Variants in ZNF444 observed in about 807,000 individuals in gnomAD.
The protein encoded by ZNF444 is zinc finger protein 444.
In ZNF444, 8 loss-of-function variants were observed where a neutral mutation model predicts 14.4. That is an observed-to-expected ratio of 0.56 (90% CI 0.33 to 1.00). ZNF444 has a LOEUF of 1.00. ZNF444 is among the 50% of genes least tolerant of loss of function. ZNF444 has a pLI of 0.03. For missense variants in ZNF444, 510 were observed against 504.8 expected (o/e 1.01, Z -0.10); for synonymous variants, 258 against 235.9 (o/e 1.09, Z -0.86).
upstream of ZNF444, among the ~76,000 whole-genome samples, chr19:56,140,304 T>C (rs74827695): frequency 0.018 from 2,270 of 123,724 alleles, 69 homozygotes; most frequent in African/African-American, 0.066. Flanking sequence ...GTATGAGCCA[T>C]AATCAGGTCT....
Position 56,160,870 on chromosome 19 carries a change from A to G in ZNF444, c.*669A>G, listed in dbSNP as rs1448341709. 1 of 152,776 alleles carries G rather than the reference A, an allele frequency of 6.5e-6. No homozygotes were observed. The highest frequency in any genetic ancestry group is 2.4e-5 in the African/African-American group (1 of 41,436). The allele number at this position is 152,776 out of a possible 1,614,324, so 9.5% of individuals were successfully genotyped here. A position where few individuals can be genotyped will look rare whatever the true frequency, so the allele number is the denominator to read the frequency against. On this transcript the variant is annotated 3_prime_UTR_variant, in exon 5 of 5. Coordinates refer to ENST00000337080, the MANE Select transcript of ZNF444 (RefSeq NM_018337.4). ...AGTTCACCAGCATCCATAGAGTAAT[A>G]AAGTCACTGTGTGTAGACCCGGAGT...
rs1480448638 is a variant in ZNF444 at position 56,144,713 on chromosome 19, T to C, written c.-196-1534T>C. Among the ~76,000 whole-genome samples the C allele has an allele frequency of 6.6e-6, 1 of 151,648 alleles. No homozygotes were observed. The highest frequency in any genetic ancestry group is 2.4e-5 in the African/African-American group (1 of 40,954). On this transcript the variant is annotated intron_variant, in intron 1 of 4. Coordinates refer to ENST00000337080, the MANE Select transcript of ZNF444 (RefSeq NM_018337.4). This position sits in a 1 kb window ranked among gnomAD's most constrained non-coding sequence, Gnocchi z 4.0. ...AGAAGCAGATTATGTGCCCACCCTC[T>C]GCCTTGTGGTCAAGGGGACTTTGCT...
rs754653971 is a variant in ZNF444 at position 56,147,001 on chromosome 19, C to G, written c.90C>G (p.Asp30Glu). ...WHRFRRFHLG[D>E]APGPREALGL... ...GCTTCCGCCGCTTCCACCTGGGCGA[C>G]GCGCCGGGCCCGCGGGAGGCGCTGG... The change falls in exon 3 of 5, where the codon GAC (aspartate) becomes GAG (glutamate). Residue 30 changes from aspartate (D) to glutamate (E), a missense_variant. Coordinates refer to ENST00000337080, the MANE Select transcript of ZNF444 (RefSeq NM_018337.4). The surrounding 1 kb of genome is among the most constrained non-coding windows in gnomAD (Gnocchi z 5.9). 1.4e-6 allele frequency: 2 copies of G among 1,445,236 alleles called. No individual in the cohort carries two copies. Among genetic ancestry groups the G allele is most frequent in the African/African-American group, 3.0e-5 (2 of 67,100 alleles). 89.5% of individuals were successfully genotyped at this position (1,445,236 alleles called of 1,614,324 possible). A position where few individuals can be genotyped will look rare whatever the true frequency, so the allele number is the denominator to read the frequency against.
intron 3 of ZNF444, chr19:56,156,074 A>C (rs958933953): frequency 6.6e-6 from 1 of 152,230 alleles, no homozygotes; most frequent in African/African-American, 2.4e-5. Context: ...GAACCAGGGA[A>C]ACATGTTTAC....
intron 3 of ZNF444, among the ~76,000 whole-genome samples, chr19:56,154,006 A>G (rs1346354489): frequency 6.6e-6 from 1 of 152,232 alleles, no homozygotes; most frequent in Non-Finnish European, 1.5e-5. Flanking sequence ...GGAAAACAAG[A>G]AACAGCACAA....
chr19:56,158,438 G>A (rs2032039817), intron 3 of ZNF444, 56 bp from the exon 4 acceptor site: 1 of 1,488,870 alleles, frequency 6.7e-7, no homozygotes, highest in Admixed American at 2.0e-5. Context: ...TTGGGAGAGG[G>A]AGAAATAGAG....
chr19:56,136,599 G>A (rs146027517), upstream of ZNF444, among the ~76,000 whole-genome samples: 20 of 152,226 alleles, frequency 1.3e-4, no homozygotes, highest in African/African-American at 4.3e-4. Context: ...AGTGCTTTGC[G>A]TGTATTAACT....
chr19:56,142,667 C>T (rs1215891332), intron 1 of ZNF444, among the ~76,000 whole-genome samples: 2 of 152,144 alleles, frequency 1.3e-5, no homozygotes, highest in East Asian at 3.9e-4. Flanking sequence ...AACTCCTGCT[C>T]CCAGCAGCCT....
chr19:56,159,601 GCTGA>G lies in ZNF444; in HGVS notation c.407-20_407-17del. The G allele has an allele frequency of 4.9e-6, 7 of 1,422,938 alleles. No individual in the cohort carries two copies. The highest frequency in any genetic ancestry group is 2.6e-5 in the East Asian group (1 of 37,770). 88.1% of individuals were successfully genotyped at this position (1,422,938 alleles called of 1,614,324 possible). ...GCCCCGCCCTCGTGCCGACCCAGAT[GCTGA>G]CTCTCTTTCTTTTCCCAGCAGGCAC... On this transcript the variant is annotated intron_variant, in intron 4 of 4. Transcript: ENST00000337080.
At chr19:56,159,549 G>T (rs2032136941) in intron 4 of ZNF444, 75 bp from the exon 5 acceptor site, 2 of 1,298,190 alleles carry the variant, frequency 1.5e-6, no homozygotes, top group South Asian at 3.3e-5. Context: ...TTCCCTCCCT[G>T]CCTCCACCCC....
In ZNF444 at chr19:56,147,218, G is replaced by C; in HGVS notation, c.297+10G>C. On this transcript the variant is annotated intron_variant, in intron 3 of 4. Transcript: ENST00000337080. The surrounding 1 kb of genome is among the most constrained non-coding windows in gnomAD (Gnocchi z 5.9). ...GCTGGAGGAGCTCTGGGTGAGCCTG[G>C]CGGGACTGCAAGCGGGGAAGGGAGA... is the stretch of plus-strand genomic sequence containing the variant. 1 of 1,419,870 alleles carries C rather than the reference G, an allele frequency of 7.0e-7. No homozygotes were observed. Among genetic ancestry groups the C allele is most frequent in the Non-Finnish European group, 9.2e-7 (1 of 1,092,540 alleles). The allele number at this position is 1,419,870 out of a possible 1,614,324, so 88.0% of individuals were successfully genotyped here.
chr19:56,157,398 C>G (rs575885068), intron 3 of ZNF444: 2 of 152,152 alleles, frequency 1.3e-5, no homozygotes, highest in Non-Finnish European at 2.9e-5. Context: ...GTGGTTTGCC[C>G]CTGCCGCTTT....
In ZNF444 at chr19:56,134,899, G is replaced by C. The variant is rs967705479; in HGVS notation, c.-197+2121G>C. Among the ~76,000 whole-genome samples the C allele has an allele frequency of 2.0e-5, 3 of 151,926 alleles. No individual in the cohort carries two copies. The East Asian group carries it at 5.8e-4, about 29-fold the overall frequency. Reference sequence around the variant, plus strand: ...CAGGAGGCTGACGCAGGAGGATCTCGTGAGGCCAGGAGTTTGTGAGACCTT... The same window carrying C: ...CAGGAGGCTGACGCAGGAGGATCTCCTGAGGCCAGGAGTTTGTGAGACCTT... On this transcript the variant is annotated intron_variant, in intron 1 of 2. Coordinates refer to the ZNF444 transcript ENST00000587467.
chr19:56,132,931 C>CTTT (rs1488948457), intron 1 of ZNF444, among the ~76,000 whole-genome samples: 20 of 38,176 alleles, frequency 5.2e-4, no homozygotes, highest in Non-Finnish European at 9.0e-4. Context: ...TTCTTTCTTT[C>CTTT]TTTCTTTTTT....
chr19:56,140,476 C>T (rs750254094), upstream of ZNF444, among the ~76,000 whole-genome samples: 5 of 152,180 alleles, frequency 3.3e-5, no homozygotes, highest in Non-Finnish European at 7.3e-5. Flanking sequence ...GCAGGTAGCG[C>T]TGTCCCCCAA....
At chr19:56,136,217 G>A (rs1237867903) in intron 1 of ZNF444, among the ~76,000 whole-genome samples, 2 of 151,928 alleles carry the variant, frequency 1.3e-5, no homozygotes, top group Non-Finnish European at 2.9e-5. Flanking sequence ...AGACGCCGAT[G>A]AGCTGAGATC....
chr19:56,159,587 GTGCCGACCCAGA>G (rs1568565962), intron 4 of ZNF444, 25 bp from the exon 5 acceptor site: 53 of 1,414,212 alleles, frequency 3.7e-5, no homozygotes, highest in Non-Finnish European at 4.7e-5. Flanking sequence ...CCCCGCCCTC[GTGCCGACCCAGA>G]TGCTGACTCT....
Position 56,159,747 on chromosome 19 carries a change from G to T in ZNF444, c.530G>T (p.Gly177Val), listed in dbSNP as rs1156909438. ...CTGCCCGCCTTCCTAGCGGCCCCGGGCACCACGTCCTGCCCCGAGTGCGGC... is the reference window on the plus strand; with the variant it reads ...CTGCCCGCCTTCCTAGCGGCCCCGGTCACCACGTCCTGCCCCGAGTGCGGC... ...PGLPAFLAAPGTTSCPECGKT... is the reference protein window; with the variant it reads ...PGLPAFLAAPVTTSCPECGKT... Residue 177 changes from glycine to valine, a missense_variant, in exon 5 of 5, where the codon GGC becomes GTC. Transcript: ENST00000337080. The T allele has an allele frequency of 1.9e-6, 3 of 1,587,628 alleles. No individual in the cohort carries two copies. Among genetic ancestry groups the T allele is most frequent in the Non-Finnish European group, 2.6e-6 (3 of 1,171,176 alleles).
At chr19:56,148,695 G>A (rs1488941573) in intron 3 of ZNF444, among the ~76,000 whole-genome samples, 1 of 152,084 alleles carries the variant, frequency 6.6e-6, no homozygotes, top group Non-Finnish European at 1.5e-5. Flanking sequence ...CCGGGTCATT[G>A]TTCCCAAAAG....
Sources: allele counts gnomAD v4.1 joint callset (sites outside exome capture counted in the v4.1 genomes callset), GRCh38; gene constraint gnomAD v4.1.1; non-coding constraint Gnocchi (gnomAD v3.1); transcripts MANE v1.5; gene names NCBI Gene and HGNC (gene_info 2026-07-23, HGNC 2026-07-21).